The following TFPT variants were observed in gnomAD, a reference collection of about 807,000 sequenced individuals.
TFPT encodes the protein INO80 complex subunit F.
TFPT carries 27 observed loss-of-function variants against 28.8 expected under a neutral mutation model. That is an observed-to-expected ratio of 0.94 (90% CI 0.69 to 1.29). The LOEUF (loss-of-function observed/expected upper bound fraction) is 1.29, where lower values mean the gene tolerates loss of function less well. Among genes scored for constraint, TFPT ranks in the 50% most tolerant of loss-of-function variants. TFPT has a pLI of 0.00. For missense variants in TFPT, 330 were observed against 338.0 expected (o/e 0.98, Z 0.19); for synonymous variants, 152 against 142.8 (o/e 1.06, Z -0.46).
Position 54,108,178 on chromosome 19 carries a change from CT to C in TFPT, c.489del (p.Glu164ArgfsTer43). The C allele has an allele frequency of 1.9e-6, 3 of 1,596,012 alleles. No individual in the cohort carries two copies. In the Admixed American group the frequency reaches 5.1e-5, roughly 27 times the overall value. On this transcript the variant is annotated frameshift_variant, in exon 5 of 6. Transcript: ENST00000391759. LOFTEE classifies it high-confidence loss of function. The part of the protein sequence containing the change: ...PGNAENEPPE[K>X]ETLSPPRRTP... Reference sequence around the variant, plus strand: ...GTCCTTCTGGGCGGGGACAGTGTCTCTTTCTCTGGAGGCTCATTCTCCGCAT... The same window carrying C: ...GTCCTTCTGGGCGGGGACAGTGTCTCTTCTCTGGAGGCTCATTCTCCGCAT...
In TFPT at chr19:54,107,078, G is replaced by T. The variant is rs369757230; in HGVS notation, c.734C>A (p.Pro245Gln). 6.2e-7 allele frequency: 1 copy of T among 1,613,884 alleles called. No individual in the cohort carries two copies. Among genetic ancestry groups the T allele is most frequent in the Admixed American group, 1.7e-5 (1 of 59,954 alleles). ...SRGPDKLLPY[P>Q]TLASPASD ...GTCAGAGGCTGGGCTGGCCAGGGTC[G>T]GGTAGGGCAGCAGTTTGTCTGGACC... The change falls in exon 6 of 6, where the codon CCG (proline) becomes CAG (glutamine). Residue 245 changes from proline to glutamine, a missense_variant. Physicochemically the swap from Pro to Gln is moderately conservative, Grantham distance 76. Coordinates refer to ENST00000391759, the MANE Select transcript of TFPT (RefSeq NM_013342.4).
Position 54,114,491 on chromosome 19 carries a change from T to C in TFPT, c.233A>G (p.Asn78Ser), listed in dbSNP as rs1568574320. Residue 78 changes from asparagine to serine, a missense_variant, in exon 2 of 6, where the codon AAT becomes AGT. Asn to Ser is a conservative substitution (Grantham distance 46). Coordinates refer to ENST00000391759, the MANE Select transcript of TFPT (RefSeq NM_013342.4). ...RGRRRRQRELNRRKYQALGRR... is the reference protein window; with the variant it reads ...RGRRRRQRELSRRKYQALGRR... ...ACCTAGTGCCTGGTACTTTCTGCGATTTAATTCCCGCTGGCGCCGCCGCCG... is the reference window on the plus strand; with the variant it reads ...ACCTAGTGCCTGGTACTTTCTGCGACTTAATTCCCGCTGGCGCCGCCGCCG... 1 of 1,613,806 alleles carries C rather than the reference T, an allele frequency of 6.2e-7. No individual in the cohort carries two copies. The highest frequency in any genetic ancestry group is 1.3e-5 in the African/African-American group (1 of 74,922).
At position 54,107,032 on chromosome 19, in the gene TFPT, C is replaced by G. The variant is rs587610124; in HGVS notation, c.*18G>C. ...ACGGTGGCCGGGGTGAGTGTGGGGTCAGTTTATTGGGCATGCGTCAGTCAG... is the reference window on the plus strand; with the variant it reads ...ACGGTGGCCGGGGTGAGTGTGGGGTGAGTTTATTGGGCATGCGTCAGTCAG... On this transcript the variant is annotated 3_prime_UTR_variant, in exon 6 of 6. Coordinates refer to ENST00000391759, the MANE Select transcript of TFPT (RefSeq NM_013342.4). 6.2e-7 allele frequency: 1 copy of G among 1,612,060 alleles called. No individual in the cohort carries two copies. The highest frequency in any genetic ancestry group is 1.3e-5 in the African/African-American group (1 of 74,808).
chr19:54,108,483 C>T (rs770096913), intron 3 of TFPT, 88 bp from the exon 4 acceptor site: 8 of 1,613,518 alleles, frequency 5.0e-6, no homozygotes, highest in East Asian at 2.2e-5. Context: ...GCTCCCACTC[C>T]ACTCAACGCC....
At chr19:54,111,752 A>G (rs146301661) in intron 2 of TFPT, among the ~76,000 whole-genome samples, 508 of 151,168 alleles carry the variant, frequency 3.4e-3, no homozygotes, top group Non-Finnish European at 5.6e-3. Flanking sequence ...TCAGAGGCCA[A>G]GGCGAGCGGA....
intron 2 of TFPT, among the ~76,000 whole-genome samples, chr19:54,113,428 T>C (rs1334853302): frequency 6.6e-6 from 1 of 152,134 alleles, no homozygotes; most frequent in Non-Finnish European, 1.5e-5. Context: ...TGTCGACACC[T>C]TGCCTTGGAT....
At position 54,114,703 on chromosome 19, in the gene TFPT, G is replaced by A; in HGVS notation, c.24-3C>T. On this transcript the variant is annotated splice_polypyrimidine_tract_variant and splice_region_variant and intron_variant, in intron 1 of 5. Transcript: ENST00000391759. ...CAAAGCCCACGGCTGCCATGGTCCTGAGAGGCAGGGAAAGGCTCAGGGGCC... is the reference window on the plus strand; with the variant it reads ...CAAAGCCCACGGCTGCCATGGTCCTAAGAGGCAGGGAAAGGCTCAGGGGCC... The A allele has an allele frequency of 1.2e-6, 2 of 1,610,866 alleles. No individual in the cohort carries two copies. Among genetic ancestry groups the A allele is most frequent in the Non-Finnish European group, 1.7e-6 (2 of 1,179,080 alleles).
chr19:54,107,382 G>A (rs1381813455), intron 5 of TFPT: 19 of 609,934 alleles, frequency 3.1e-5, no homozygotes, highest in Non-Finnish European at 5.0e-5. Context: ...CCAAGTAGCT[G>A]GGACTACAGG....
intron 2 of TFPT, among the ~76,000 whole-genome samples, chr19:54,113,612 A>G (rs587699550): frequency 7.6e-6 from 1 of 131,866 alleles, no homozygotes; most frequent in South Asian, 2.1e-4. Context: ...ACTCTCAAGG[A>G]AAAAAAAATA....
In TFPT at chr19:54,107,069, G is replaced by A. The variant is rs2073287707; in HGVS notation, c.743C>T (p.Ala248Val). 1 of 1,613,912 alleles carries A rather than the reference G, an allele frequency of 6.2e-7. No homozygotes were observed. Among genetic ancestry groups the A allele is most frequent in the Non-Finnish European group, 8.5e-7 (1 of 1,179,960 alleles). The change falls in exon 6 of 6, where the codon GCC (alanine) becomes GTC (valine). Residue 248 changes from alanine (A) to valine (V), a missense_variant. Coordinates refer to ENST00000391759, the MANE Select transcript of TFPT (RefSeq NM_013342.4). ...PDKLLPYPTLASPASD is the reference protein window; with the variant it reads ...PDKLLPYPTLVSPASD The stretch of plus-strand genomic sequence containing the variant: ...CATGCGTCAGTCAGAGGCTGGGCTG[G>A]CCAGGGTCGGGTAGGGCAGCAGTTT...
chr19:54,108,627 A>G, intron 3 of TFPT: 3 of 1,502,480 alleles, frequency 2.0e-6, no homozygotes, highest in Non-Finnish European at 2.7e-6. Context: ...TGCAAACGAC[A>G]TGACACCCTC....
At chr19:54,112,585 TCAA>T (rs1453787579) in intron 2 of TFPT, among the ~76,000 whole-genome samples, 1 of 151,990 alleles carries the variant, frequency 6.6e-6, no homozygotes, top group Non-Finnish European at 1.5e-5. Flanking sequence ...GGTCAGGAGT[TCAA>T]GACCAGCCTG....
At chr19:54,109,942 C>T in intron 3 of TFPT, 109 bp downstream of exon 3, 1 of 1,171,338 alleles carries the variant, frequency 8.5e-7, no homozygotes, top group Non-Finnish European at 1.3e-6. Flanking sequence ...TCCGGCTTCT[C>T]CTTGTGGCTT....
chr19:54,115,073 C>T, intron 1 of TFPT, 174 bp downstream of exon 1: 4 of 1,012,794 alleles, frequency 3.9e-6, no homozygotes, highest in South Asian at 1.5e-5. Context: ...GTCCAAACCC[C>T]TAACCTTCTC....
chr19:54,114,836 A>G lies in TFPT; in HGVS notation c.24-136T>C, dbSNP rs1218287547. The G allele has an allele frequency of 9.3e-6, 12 of 1,286,816 alleles. No homozygotes were observed. The Admixed American group carries it at 3.1e-4, about 33-fold the overall frequency. The allele number at this position is 1,286,816 out of a possible 1,614,324, so 79.7% of individuals were successfully genotyped here. ...AGGCCCCCAGCCCCTCCTCCCTCAG[A>G]CCGTAGAATCCAGCTCCCAGCCCTC... is the stretch of plus-strand genomic sequence containing the variant. On this transcript the variant is annotated intron_variant, in intron 1 of 5. Coordinates refer to ENST00000391759, the MANE Select transcript of TFPT (RefSeq NM_013342.4).
At chr19:54,108,639 G>T in intron 3 of TFPT, 1 of 1,479,010 alleles carries the variant, frequency 6.8e-7, no homozygotes, top group Non-Finnish European at 9.0e-7. Flanking sequence ...GACACCCTCG[G>T]CTGGATGTTG....
intron 3 of TFPT, chr19:54,108,646 G>A (rs1185518342): frequency 3.4e-6 from 5 of 1,460,752 alleles, no homozygotes; most frequent in Non-Finnish European, 4.5e-6. Flanking sequence ...TCGGCTGGAT[G>A]TTGCAGCGGT....
chr19:54,112,751 T>G (rs144250821), intron 2 of TFPT, among the ~76,000 whole-genome samples: 258 of 152,082 alleles, frequency 1.7e-3, no homozygotes, highest in Non-Finnish European at 2.5e-3. Flanking sequence ...ATTGCGCCAC[T>G]GCACTCCAGC....
In TFPT at chr19:54,108,122, G is replaced by A. The variant is rs780761545; in HGVS notation, c.546C>T (p.Ala182=). Residue 182 remains alanine, a synonymous_variant, in exon 5 of 6, where the codon GCC becomes GCT. Transcript: ENST00000391759. ...TCCGCCCACTGGGCCCCTCACCGGG[G>A]GCTGGGCTGCCGGGTTCTGGGGGTG... is the stretch of plus-strand genomic sequence containing the variant. ...TPAPPEPGSP[A]PGEGPSGRKR... is the part of the protein sequence containing the mutation. The A allele has an allele frequency of 3.8e-6, 6 of 1,579,082 alleles. No homozygotes were observed. The African/African-American group carries it at 4.1e-5, about 11-fold the overall frequency.
Sources: gnomAD v4.1 joint callset for allele counts (sites outside exome capture counted in the v4.1 genomes callset) on GRCh38, gnomAD v4.1.1 for gene constraint, MANE v1.5 for transcripts, NCBI Gene and HGNC (gene_info 2026-07-23, HGNC 2026-07-21) for gene names.